SLC9A2: variants seen among roughly 807,000 people sequenced by gnomAD.
The protein encoded by SLC9A2 is sodium/hydrogen exchanger 2.
SLC9A2 carries 42 observed loss-of-function variants against 71.7 expected under a neutral mutation model. That is an observed-to-expected ratio of 0.59 (90% CI 0.46 to 0.76). The LOEUF is 0.76. Among genes scored for constraint, SLC9A2 ranks in the 30% least tolerant of loss-of-function variants. The probability of loss-of-function intolerance (pLI) is 0.00; values close to 1 mark genes in which losing one functional copy is unlikely to be tolerated. For missense variants in SLC9A2, 829 were observed against 1,017.4 expected, an observed-to-expected ratio of 0.81 and a Z score of 2.52; for synonymous variants, 396 against 392.5, an observed-to-expected ratio of 1.01 and a Z score of -0.10.
chr2:102,650,658 A>T (rs1018961720), intron 1 of SLC9A2, among the ~76,000 whole-genome samples: 9 of 152,140 alleles, frequency 5.9e-5, no homozygotes, highest in Middle Eastern at 3.2e-3. Context: ...TGGTTAAATT[A>T]TGCTTTCTTT....
At chr2:102,662,531 G>A (rs564647719) in intron 2 of SLC9A2, among the ~76,000 whole-genome samples, 2 of 152,302 alleles carry the variant, frequency 1.3e-5, no homozygotes, top group South Asian at 2.1e-4. Flanking sequence ...GGTGCAGGAG[G>A]TCAGAGAGCT....
At chr2:102,628,228 T>C (rs1676287010) in intron 1 of SLC9A2, among the ~76,000 whole-genome samples, 1 of 152,110 alleles carries the variant, frequency 6.6e-6, no homozygotes. Context: ...ATAAGGAAAA[T>C]TATGCAAATG....
Position 102,683,266 on chromosome 2 carries a change from C to G in SLC9A2, c.1010C>G (p.Thr337Ser), listed in dbSNP as rs1197321507. 1 of 1,607,008 alleles carries G rather than the reference C, an allele frequency of 6.2e-7. No individual in the cohort carries two copies. Among genetic ancestry groups the G allele is most frequent in the Non-Finnish European group, 8.5e-7 (1 of 1,173,540 alleles). ...MFHLSGIMAI[T>S]ACAMTMNKYV... is the part of the protein sequence containing the mutation. ...AGCTGAATCTTCCCTTTCAGAATCA[C>G]TGCTTGTGCAATGACTATGAATAAG... The change falls in exon 4 of 12, where the codon ACT becomes AGT. Residue 337 changes from threonine (T) to serine (S), a missense_variant. Around this residue, in one of 3 missense-constraint regions of SLC9A2, gnomAD observed 500 missense variants for 726.3 expected, o/e 0.69. Coordinates refer to ENST00000233969, the MANE Select transcript of SLC9A2 (RefSeq NM_003048.6).
At position 102,656,679 on chromosome 2, in the gene SLC9A2, A is replaced by C. The variant is rs1676950090; in HGVS notation, c.290-885A>C. Among the ~76,000 whole-genome samples the C allele has an allele frequency of 2.0e-5, 3 of 152,230 alleles. No individual in the cohort carries two copies. The South Asian group carries it at 6.2e-4, about 32-fold the overall frequency. On this transcript the variant is annotated intron_variant, in intron 1 of 11. Transcript: ENST00000233969. ...TCCAAATGCAAGAATCAGACGTTAA[A>C]AATAAATAAATTGCCAATGTTTCTG...
At chr2:102,694,244 T>C (rs1299912232) in intron 5 of SLC9A2, among the ~76,000 whole-genome samples, 170 bp from the exon 6 acceptor site, 1 of 152,190 alleles carries the variant, frequency 6.6e-6, no homozygotes, top group Non-Finnish European at 1.5e-5. Flanking sequence ...TTTACTGTGT[T>C]AAATCTTGGT....
In SLC9A2 at chr2:102,654,195, CT is replaced by C. The variant is rs34248413; in HGVS notation, c.290-3346del. Among the ~76,000 whole-genome samples, 681 of 89,524 alleles carry C rather than the reference CT, an allele frequency of 7.6e-3. 1 individual carries two copies. The highest frequency in any genetic ancestry group is 0.015 in the South Asian group (35 of 2,314). 58.7% of individuals were successfully genotyped at this position (89,524 alleles called of 152,430 possible). The stretch of plus-strand genomic sequence containing the variant: ...CTGGCGATGCTGCTGTTGGCTGACT[CT>C]TTTTTTTTTTTTTTTTTTTTTTGAG... On this transcript the variant is annotated intron_variant, in intron 1 of 11. Transcript: ENST00000233969.
At chr2:102,693,621 G>A (rs1436346555) in intron 5 of SLC9A2, among the ~76,000 whole-genome samples, 1 of 152,174 alleles carries the variant, frequency 6.6e-6, no homozygotes, top group African/African-American at 2.4e-5. Flanking sequence ...CTGTGCTGTG[G>A]TCTCCACTGG....
At chr2:102,678,008 C>T (rs1478307202) in intron 3 of SLC9A2, among the ~76,000 whole-genome samples, 1 of 151,236 alleles carries the variant, frequency 6.6e-6, no homozygotes, top group Non-Finnish European at 1.5e-5. Context: ...GAATTACTCA[C>T]TTCCTCTTTT....
At chr2:102,663,309 A>C (rs1465796364) in intron 2 of SLC9A2, among the ~76,000 whole-genome samples, 1 of 152,200 alleles carries the variant, frequency 6.6e-6, no homozygotes, top group Non-Finnish European at 1.5e-5. Context: ...AGGGAAAAGG[A>C]AATGTTCACT....
rs181401823 is a variant in SLC9A2 at position 102,626,765 on chromosome 2, T to C, written c.289+6628T>C. 1.2e-3 allele frequency among the ~76,000 whole-genome samples: 188 copies of C among 152,202 alleles called. No individual in the cohort carries two copies. In the Middle Eastern group the frequency reaches 0.017, roughly 14 times the overall value. ...ACCCCATCAACAAGTGGGCGAAGGA[T>C]ATGAACAGACACTTCTCAAAAGAAG... On this transcript the variant is annotated intron_variant, in intron 1 of 11. Coordinates refer to ENST00000233969, the MANE Select transcript of SLC9A2 (RefSeq NM_003048.6).
rs372641100 is a variant in SLC9A2, at chr2:102,684,147, G to C, written c.1236G>C (p.Leu412=). The change falls in exon 5 of 12, where the codon CTG becomes CTC. Residue 412 remains leucine (L), a synonymous_variant. Coordinates refer to ENST00000233969, the MANE Select transcript of SLC9A2 (RefSeq NM_003048.6). ...CTTTCTTTGCAGGTGTTTTTGTCCT[G>C]ACTCAGGTCATTAATAGGTTCCGGA... ...LMWRALGVFV[L]TQVINRFRTI... 3 of 1,613,940 alleles carry C rather than the reference G, an allele frequency of 1.9e-6. No individual in the cohort carries two copies. The highest frequency in any genetic ancestry group is 1.7e-6 in the Non-Finnish European group (2 of 1,179,922).
chr2:102,632,037 T>TATAC (rs1553423304), intron 1 of SLC9A2, among the ~76,000 whole-genome samples: 9 of 60,834 alleles, frequency 1.5e-4, no homozygotes, highest in Non-Finnish European at 1.9e-4. Context: ...TATATATATA[T>TATAC]ACATACACAC....
At chr2:102,692,566 C>T (rs13027243) in intron 5 of SLC9A2, among the ~76,000 whole-genome samples, 7,851 of 152,198 alleles carry the variant, frequency 0.052, 248 homozygotes, top group Middle Eastern at 0.1. Flanking sequence ...TCTTGACTCT[C>T]ACCCCCTCCT....
At chr2:102,691,531 G>A (rs1166395045) in intron 5 of SLC9A2, among the ~76,000 whole-genome samples, 1 of 152,012 alleles carries the variant, frequency 6.6e-6, no homozygotes, top group Non-Finnish European at 1.5e-5. Context: ...CAAAATAGAT[G>A]GATTGAAGAA....
intron 9 of SLC9A2, 149 bp from the exon 10 acceptor site, chr2:102,704,395 T>C: frequency 1.8e-6 from 1 of 541,220 alleles, no homozygotes; most frequent in Non-Finnish European, 3.2e-6. Flanking sequence ...TTTTATACTG[T>C]TAATTTAATT....
At chr2:102,697,736 G>A (rs1228440055) in intron 7 of SLC9A2, among the ~76,000 whole-genome samples, 1 of 150,800 alleles carries the variant, frequency 6.6e-6, no homozygotes, top group Non-Finnish European at 1.5e-5. Context: ...GTTCTGCTGA[G>A]ATCACATCCT....
Position 102,708,159 on chromosome 2 carries a change from C to T in SLC9A2, c.2109C>T (p.Thr703=), listed in dbSNP as rs763914148. The T allele has an allele frequency of 1.9e-6, 3 of 1,614,032 alleles. No individual in the cohort carries two copies. Among genetic ancestry groups the T allele is most frequent in the Middle Eastern group, 1.7e-4 (1 of 6,032 alleles). The change falls in exon 12 of 12, where the codon ACC becomes ACT. Residue 703 remains threonine (T), a synonymous_variant. Coordinates refer to ENST00000233969, the MANE Select transcript of SLC9A2 (RefSeq NM_003048.6). ...SSDSDADAGT[T]VLNLQPRARR... is the part of the protein sequence containing the mutation. ...ACTCAGACGCAGATGCCGGGACCAC[C>T]GTGCTCAATTTGCAGCCCAGAGCCA...
At chr2:102,675,056 G>A (rs1028220833) in intron 3 of SLC9A2, among the ~76,000 whole-genome samples, 13 of 152,198 alleles carry the variant, frequency 8.5e-5, no homozygotes, top group African/African-American at 2.4e-4. Context: ...CACATGACCC[G>A]CCCTGTGACA....
At chr2:102,624,686 C>T (rs1676210923) in intron 1 of SLC9A2, among the ~76,000 whole-genome samples, 1 of 152,184 alleles carries the variant, frequency 6.6e-6, no homozygotes, top group African/African-American at 2.4e-5. Context: ...TTTCAAGTGT[C>T]ACTGGTCACT....
Sources: gnomAD v4.1 joint callset for allele counts (sites outside exome capture counted in the v4.1 genomes callset) on GRCh38, gnomAD v4.1.1 for gene constraint, gnomAD v4.1.1 regional missense constraint, MANE v1.5 for transcripts, NCBI Gene and HGNC (gene_info 2026-07-23, HGNC 2026-07-21) for gene names.